Variants in OTULINL observed in about 807,000 individuals in gnomAD.
OTULINL encodes OTU deubiquitinase with linear linkage specificity like, also known as inactive ubiquitin thioesterase OTULINL.
A neutral mutation model predicts 43.9 loss-of-function variants in OTULINL; 42 were observed. That is an observed-to-expected ratio of 0.96 (90% confidence interval 0.75 to 1.24). The LOEUF (loss-of-function observed/expected upper bound fraction) is 1.24. OTULINL is among the 50% of genes most tolerant of loss of function. OTULINL has a pLI of 0.00. For synonymous variants in OTULINL, 172 were observed against 153.6 expected, an observed-to-expected ratio of 1.12 and a Z score of -0.88; for missense variants, 411 against 426.4, an observed-to-expected ratio of 0.96 and a Z score of 0.32.
rs569824984 is a variant in OTULINL, at chr5:14,584,571, G to A, written c.64+2613G>A. Among the ~76,000 whole-genome samples the A allele has an allele frequency of 1.1e-4, 17 of 152,172 alleles. No homozygotes were observed. The South Asian group carries it at 3.3e-3, about 30-fold the overall frequency. On this transcript the variant is annotated intron_variant, in intron 1 of 7. Transcript: ENST00000274217. ...GTTTTTTGGTGCTTCTTGTGTCTTC[G>A]TTCATTTATTACACGGAAAATGCTT...
chr5:14,590,894 C>T (rs1214524576), intron 1 of OTULINL, among the ~76,000 whole-genome samples: 2 of 152,104 alleles, frequency 1.3e-5, no homozygotes, highest in Non-Finnish European at 2.9e-5. Context: ...TGAGAAAAGC[C>T]ATGGAAAGAG....
chr5:14,602,151 T>A (rs1251841386), intron 4 of OTULINL, 32 bp from the exon 5 acceptor site: 2 of 1,522,928 alleles, frequency 1.3e-6, no homozygotes, highest in Non-Finnish European at 1.8e-6. Context: ...CCAGTGGAAT[T>A]AATAAACAAC....
In OTULINL at chr5:14,611,733, C is replaced by G. The variant is rs1019430967; in HGVS notation, c.*1419C>G. On this transcript the variant is annotated 3_prime_UTR_variant, in exon 8 of 8. Coordinates refer to ENST00000274217, the MANE Select transcript of OTULINL (RefSeq NM_019018.3). ...TTTTTTTTGGAGGTACTTTGCTAGT[C>G]TGTTTTGAGTTTCAGTACATAAGAA... 1 of 151,686 alleles carries G rather than the reference C, an allele frequency of 6.6e-6. No individual in the cohort carries two copies. Among genetic ancestry groups the G allele is most frequent in the Non-Finnish European group, 1.5e-5 (1 of 67,944 alleles). The allele number at this position is 151,686 out of a possible 1,614,324, so 9.4% of individuals were successfully genotyped here.
At chr5:14,589,458 G>T (rs559023279) in intron 1 of OTULINL, among the ~76,000 whole-genome samples, 1 of 152,242 alleles carries the variant, frequency 6.6e-6, no homozygotes, top group East Asian at 1.9e-4. Flanking sequence ...GAGGAGGTGA[G>T]AGAAGAGGGA....
rs1476819947 is a variant in OTULINL, at chr5:14,612,608, A to T, written c.*2294A>T. The T allele has an allele frequency of 6.6e-6, 1 of 152,236 alleles. No individual in the cohort carries two copies. Among genetic ancestry groups the T allele is most frequent in the Non-Finnish European group, 1.5e-5 (1 of 68,038 alleles). The allele number at this position is 152,236 out of a possible 1,614,324, so 9.4% of individuals were successfully genotyped here. A position where few individuals can be genotyped will look rare whatever the true frequency, so the allele number is the denominator to read the frequency against. ...GTTTTGTTTGTTTTTATTCAGTTGT[A>T]TAATGAATATAACAAATTAAGTAGC... On this transcript the variant is annotated 3_prime_UTR_variant, in exon 8 of 8. Coordinates refer to ENST00000274217, the MANE Select transcript of OTULINL (RefSeq NM_019018.3).
chr5:14,596,046 T>C (rs544866766), intron 1 of OTULINL, among the ~76,000 whole-genome samples: 18 of 152,306 alleles, frequency 1.2e-4, no homozygotes, highest in Non-Finnish European at 2.5e-4. Flanking sequence ...GCAACACTGC[T>C]CTTTTCCACT....
intron 1 of OTULINL, 57 bp downstream of exon 1, chr5:14,582,015 G>T: frequency 3.4e-6 from 4 of 1,170,980 alleles, no homozygotes; most frequent in Non-Finnish European, 3.2e-6. Flanking sequence ...CCGTCAAGGC[G>T]GGCGGGGTCG....
chr5:14,596,895 A>C (rs1318077015), intron 1 of OTULINL, among the ~76,000 whole-genome samples: 1 of 152,138 alleles, frequency 6.6e-6, no homozygotes, highest in East Asian at 1.9e-4. Context: ...TGGGGGCCCC[A>C]TGCTGATGGC....
At chr5:14,605,003 G>GTGGGGA (rs1477921008) in intron 5 of OTULINL, among the ~76,000 whole-genome samples, 1 of 152,210 alleles carries the variant, frequency 6.6e-6, no homozygotes, top group Non-Finnish European at 1.5e-5. Context: ...CAGCACCCCA[G>GTGGGGA]TGGGGATGGG....
Position 14,607,196 on chromosome 5 carries a change from C to G in OTULINL, c.499-134C>G, listed in dbSNP as rs1289041408. On this transcript the variant is annotated intron_variant, in intron 5 of 7. Transcript: ENST00000274217. The stretch of plus-strand genomic sequence containing the variant: ...AGTAAGCCGAGATCACGCCACTGCA[C>G]TCCAGCCTGGGCAACAGAGTGAGAT... 5.1e-5 allele frequency: 51 copies of G among 991,898 alleles called. No homozygotes were observed. In the Admixed American group the frequency reaches 1.3e-3, roughly 25 times the overall value. 61.4% of individuals were successfully genotyped at this position (991,898 alleles called of 1,614,324 possible). A position where few individuals can be genotyped will look rare whatever the true frequency, so the allele number is the denominator to read the frequency against.
chr5:14,592,668 C>A (rs1482725733), intron 1 of OTULINL, among the ~76,000 whole-genome samples: 1 of 152,174 alleles, frequency 6.6e-6, no homozygotes, highest in African/African-American at 2.4e-5. Context: ...CTGCCTTTAG[C>A]CCAAAGCATT....
At chr5:14,585,541 A>C (rs1560958259) in intron 1 of OTULINL, among the ~76,000 whole-genome samples, 2 of 152,162 alleles carry the variant, frequency 1.3e-5, no homozygotes, top group South Asian at 4.1e-4. Context: ...ACTTAGCTTC[A>C]TCTGGGAGGC....
intron 1 of OTULINL, among the ~76,000 whole-genome samples, chr5:14,593,056 T>C (rs918339014): frequency 6.6e-6 from 1 of 152,228 alleles, no homozygotes; most frequent in African/African-American, 2.4e-5. Context: ...ACTAGGAGTC[T>C]GTCTGTTAGT....
Position 14,607,388 on chromosome 5 carries a change from G to A in OTULINL, c.557G>A (p.Gly186Asp). ...GCNWIQQYSF[G>D]PEKYTGSNVF... is the part of the protein sequence containing the mutation. ...AATTGGATTCAGCAGTACAGTTTTGGTCCTGAGAAGTATACAGGCTCGAAT... is the reference window on the plus strand; with the variant it reads ...AATTGGATTCAGCAGTACAGTTTTGATCCTGAGAAGTATACAGGCTCGAAT... Residue 186 changes from glycine to aspartate, a missense_variant, in exon 6 of 8, where the codon GGT becomes GAT. Physicochemically the swap from Gly to Asp is moderately conservative, Grantham distance 94 (BLOSUM62 -1). Transcript: ENST00000274217. 1 of 1,614,172 alleles carries A rather than the reference G, an allele frequency of 6.2e-7. No individual in the cohort carries two copies. The highest frequency in any genetic ancestry group is 1.6e-4 in the Middle Eastern group (1 of 6,062).
rs942890987 is a variant in OTULINL at position 14,614,014 on chromosome 5, A to G, written c.*3700A>G. ...TTGGAATTCCACATCAAAGTACGTA[A>G]CTGTTTTAAACTGATAACTAACCCA... is the stretch of plus-strand genomic sequence containing the variant. On this transcript the variant is annotated 3_prime_UTR_variant, in exon 8 of 8. Coordinates refer to ENST00000274217, the MANE Select transcript of OTULINL (RefSeq NM_019018.3). 6.6e-6 allele frequency among the ~76,000 whole-genome samples: 1 copy of G among 152,202 alleles called. No individual in the cohort carries two copies. Among genetic ancestry groups the G allele is most frequent in the Non-Finnish European group, 1.5e-5 (1 of 68,022 alleles).
intron 1 of OTULINL, among the ~76,000 whole-genome samples, chr5:14,590,308 C>G (rs1759178931): frequency 1.3e-5 from 2 of 152,154 alleles, no homozygotes; most frequent in Non-Finnish European, 2.9e-5. Flanking sequence ...GGGCCCCAGC[C>G]TAATAAATCT....
chr5:14,591,109 C>T (rs1382220028), intron 1 of OTULINL, among the ~76,000 whole-genome samples: 2 of 152,122 alleles, frequency 1.3e-5, no homozygotes, highest in Non-Finnish European at 2.9e-5. Flanking sequence ...GGGCAAAAGG[C>T]CTGAGAGTTG....
chr5:14,600,117 T>TG (rs1170412942), intron 1 of OTULINL, among the ~76,000 whole-genome samples: 1 of 152,170 alleles, frequency 6.6e-6, no homozygotes, highest in Non-Finnish European at 1.5e-5. Context: ...AGGGACCCAG[T>TG]GGGAGGTAAT....
chr5:14,604,357 A>G (rs1042701798), intron 5 of OTULINL, among the ~76,000 whole-genome samples: 9 of 152,156 alleles, frequency 5.9e-5, no homozygotes, highest in African/African-American at 1.4e-4. Flanking sequence ...GATAAAGACA[A>G]TCAAGATGAT....
Sources: allele counts gnomAD v4.1 joint callset (sites outside exome capture counted in the v4.1 genomes callset), GRCh38; gene constraint gnomAD v4.1.1; transcripts MANE v1.5; gene names NCBI Gene and HGNC (gene_info 2026-07-23, HGNC 2026-07-21).